The following NEK7 variants were observed in gnomAD, a reference collection of about 807,000 sequenced individuals.
The protein encoded by NEK7 is NIMA related kinase 7.
A neutral mutation model predicts 44.6 loss-of-function variants in NEK7; 18 were observed. That is an observed-to-expected ratio of 0.40 (90% CI 0.28 to 0.60). NEK7 has a LOEUF of 0.60. Among genes scored for constraint, NEK7 ranks in the 20% least tolerant of loss-of-function variants. The probability of loss-of-function intolerance (pLI) is 0.38; values close to 1 mark genes in which losing one functional copy is unlikely to be tolerated. For synonymous variants in NEK7, 130 were observed against 121.1 expected (o/e 1.07, Z -0.48); for missense variants, 256 against 366.5 (o/e 0.70, Z 2.46).
At chr1:198,226,685 C>G (rs1041130303) in intron 1 of NEK7, among the ~76,000 whole-genome samples, 1 of 151,938 alleles carries the variant, frequency 6.6e-6, no homozygotes, top group Non-Finnish European at 1.5e-5. Flanking sequence ...TTGTTATAGC[C>G]TTTTGCTCTA....
At chr1:198,260,420 T>A (rs562318998) in intron 3 of NEK7, among the ~76,000 whole-genome samples, 1 of 152,062 alleles carries the variant, frequency 6.6e-6, no homozygotes, top group Non-Finnish European at 1.5e-5. Flanking sequence ...CTTTCCTTTT[T>A]TTTTTTTAAC....
At chr1:198,233,966 C>A (rs1666476751) in intron 2 of NEK7, among the ~76,000 whole-genome samples, 1 of 152,052 alleles carries the variant, frequency 6.6e-6, no homozygotes, top group Non-Finnish European at 1.5e-5. Flanking sequence ...CCTCTGAAAG[C>A]AGTCTTTCCT....
intron 2 of NEK7, among the ~76,000 whole-genome samples, chr1:198,252,593 A>T (rs1653089571): frequency 7.5e-6 from 1 of 133,072 alleles, no homozygotes; most frequent in Non-Finnish European, 1.6e-5. Flanking sequence ...ACACATATAT[A>T]TGTATGTTTA....
chr1:198,185,581 T>G (rs1664897533), intron 1 of NEK7, among the ~76,000 whole-genome samples: 1 of 152,114 alleles, frequency 6.6e-6, no homozygotes, highest in Non-Finnish European at 1.5e-5. Flanking sequence ...AAGAAACACC[T>G]TATTTTGACA....
At chr1:198,179,799 GTGTGTGTGTGTGTGTATGTA>G (rs1664706169) in intron 1 of NEK7, among the ~76,000 whole-genome samples, 2 of 44,114 alleles carry the variant, frequency 4.5e-5, no homozygotes, top group Admixed American at 3.6e-4. Flanking sequence ...TTACACAGGA[GTGTGTGTGTGTGTGTATGTA>G]TGTGTGTGTG....
chr1:198,185,699 C>T (rs1450098293), intron 1 of NEK7, among the ~76,000 whole-genome samples: 2 of 152,150 alleles, frequency 1.3e-5, no homozygotes, highest in Non-Finnish European at 2.9e-5. Context: ...CCTGGAATGT[C>T]CTCTCTGCCC....
intron 9 of NEK7, among the ~76,000 whole-genome samples, chr1:198,302,137 C>T (rs185092603): frequency 6.6e-6 from 1 of 152,196 alleles, no homozygotes; most frequent in East Asian, 1.9e-4. Context: ...CTCCAGCCCA[C>T]AGATAGAAAA....
At chr1:198,213,450 A>C (rs1665834048) in intron 1 of NEK7, among the ~76,000 whole-genome samples, 1 of 152,184 alleles carries the variant, frequency 6.6e-6, no homozygotes, top group East Asian at 1.9e-4. Context: ...CTGCAGAAAC[A>C]GCTGGGGCTT....
chr1:198,213,423 C>T (rs1338314245), intron 1 of NEK7, among the ~76,000 whole-genome samples: 2 of 152,098 alleles, frequency 1.3e-5, no homozygotes, highest in African/African-American at 2.4e-5. Context: ...GGGGCTTGTT[C>T]TCCCCTTTGC....
intron 1 of NEK7, among the ~76,000 whole-genome samples, chr1:198,211,172 C>T (rs1226862717): frequency 6.6e-6 from 1 of 152,036 alleles, no homozygotes; most frequent in Non-Finnish European, 1.5e-5. Flanking sequence ...AGGATTAGGT[C>T]TTCTAATTCT....
chr1:198,271,975 CAT>C (rs1465623958), intron 5 of NEK7, among the ~76,000 whole-genome samples: 1 of 148,012 alleles, frequency 6.8e-6, no homozygotes, highest in African/African-American at 2.5e-5. Flanking sequence ...CTATACATAA[CAT>C]ATGTACATCT....
At chr1:198,264,468 G>A (rs546320650) in intron 5 of NEK7, among the ~76,000 whole-genome samples, 8 of 152,074 alleles carry the variant, frequency 5.3e-5, no homozygotes, top group Non-Finnish European at 1.0e-4. Context: ...AACCAACTTG[G>A]AAAGAGGCCA....
intron 3 of NEK7, among the ~76,000 whole-genome samples, chr1:198,254,438 A>G (rs1653181670): frequency 1.3e-5 from 2 of 152,112 alleles, no homozygotes; most frequent in Non-Finnish European, 2.9e-5. Context: ...AGCATGTTTT[A>G]TATATGTATT....
chr1:198,234,564 A>T (rs887060719), intron 2 of NEK7, among the ~76,000 whole-genome samples: 3 of 152,178 alleles, frequency 2.0e-5, no homozygotes, highest in Admixed American at 2.0e-4. Flanking sequence ...AAGCACTTTC[A>T]TTTTTGCCTC....
intron 1 of NEK7, among the ~76,000 whole-genome samples, chr1:198,191,919 A>G (rs553729954): frequency 1.5e-4 from 23 of 152,140 alleles, no homozygotes; most frequent in Admixed American, 1.2e-3. Context: ...TTGTAATGCC[A>G]CTTGTCTCAA....
chr1:198,293,081 C>A, intron 8 of NEK7, 42 bp downstream of exon 8: 1 of 1,020,804 alleles, frequency 9.8e-7, no homozygotes. Flanking sequence ...TGCAGTTTTA[C>A]TTAGTATATT....
Position 198,320,189 on chromosome 1 carries a change from C to G in NEK7, c.*667C>G, listed in dbSNP as rs1413443101. 6.6e-6 allele frequency: 1 copy of G among 152,040 alleles called. No homozygotes were observed. Among genetic ancestry groups the G allele is most frequent in the Admixed American group, 6.6e-5 (1 of 15,256 alleles). The allele number at this position is 152,040 out of a possible 1,614,324, so 9.4% of individuals were successfully genotyped here. The stretch of plus-strand genomic sequence containing the variant: ...TTTGTTTTAATATTTTTGATATTCT[C>G]TTTGCATTGAAATGGTATAAATGAA... On this transcript the variant is annotated 3_prime_UTR_variant, in exon 10 of 10. Coordinates refer to ENST00000367385, the MANE Select transcript of NEK7 (RefSeq NM_133494.3).
At chr1:198,164,662 A>T (rs2102703652) in intron 1 of NEK7, among the ~76,000 whole-genome samples, 1 of 152,340 alleles carries the variant, frequency 6.6e-6, no homozygotes, top group South Asian at 2.1e-4. Context: ...CGATCATCTG[A>T]ACCTTCAGCA....
intron 7 of NEK7, among the ~76,000 whole-genome samples, chr1:198,286,931 T>C (rs1654387705): frequency 6.6e-6 from 1 of 152,102 alleles, no homozygotes; most frequent in African/African-American, 2.4e-5. Context: ...CCCCTGCCCC[T>C]TCTGTTGCAT....
Sources: allele counts gnomAD v4.1 joint callset (sites outside exome capture counted in the v4.1 genomes callset), GRCh38; gene constraint gnomAD v4.1.1; transcripts MANE v1.5; gene names NCBI Gene and HGNC (gene_info 2026-07-23, HGNC 2026-07-21).